The following GYPC variants were observed in gnomAD, a reference collection of about 807,000 sequenced individuals.
The protein encoded by GYPC is glycophorin-C.
In GYPC, 14 loss-of-function variants were observed where a neutral mutation model predicts 12.6. The observed-to-expected ratio is 1.11, with a 90% CI of 0.74 to 1.74. The LOEUF is 1.74. Ranked by LOEUF, GYPC falls within the 40% of genes most tolerant of loss-of-function variation. GYPC has a pLI of 0.00. For missense variants in GYPC, 225 were observed against 172.1 expected (o/e 1.31, Z -1.72); for synonymous variants, 78 against 62.1 (o/e 1.26, Z -1.20).
At chr2:126,671,546 G>A in intron 1 of GYPC, among the ~76,000 whole-genome samples, 1 of 152,204 alleles carries the variant, frequency 6.6e-6, no homozygotes, top group Non-Finnish European at 1.5e-5. Context: ...TGGAGCCTCG[G>A]GGGTCAATGT....
In GYPC at chr2:126,673,504, C is replaced by A. The variant is rs147828854; in HGVS notation, c.50-16751C>A. The stretch of plus-strand genomic sequence containing the variant: ...TATGCCCTTGTTTAAAAGACAAGGT[C>A]TGGGGTCCTAACACAACTTGGTATC... On this transcript the variant is annotated intron_variant, in intron 1 of 3. Transcript: ENST00000259254. Among the ~76,000 whole-genome samples, 169 of 152,276 alleles carry A rather than the reference C, an allele frequency of 1.1e-3. 1 individual carries two copies. The highest frequency in any genetic ancestry group is 3.8e-3 in the African/African-American group (159 of 41,566).
rs147026758 is a variant in GYPC, at chr2:126,685,367, G to C, written c.50-4888G>C. Among the ~76,000 whole-genome samples the C allele has an allele frequency of 3.0e-3, 449 of 151,126 alleles. 3 individuals are homozygous for C. Among genetic ancestry groups the C allele is most frequent in the African/African-American group, 9.8e-3 (405 of 41,130 alleles). On this transcript the variant is annotated intron_variant, in intron 1 of 3. Transcript: ENST00000259254. Reference sequence around the variant, plus strand: ...AAAGCCTTTCTGCTTCAGAGTGCTTGTTAAATTGACTTTTCTTTCTTTCTT... The same window carrying C: ...AAAGCCTTTCTGCTTCAGAGTGCTTCTTAAATTGACTTTTCTTTCTTTCTT...
At chr2:126,680,470 A>G (rs1244064814) in intron 1 of GYPC, 1 of 152,234 alleles carries the variant, frequency 6.6e-6, no homozygotes, top group Non-Finnish European at 1.5e-5. Context: ...AACCGTTCAC[A>G]CTGGAGACCC....
rs11888401 is a variant in GYPC at position 126,693,284 on chromosome 2, A to T, written c.107-580A>T. Among the ~76,000 whole-genome samples the T allele has an allele frequency of 1.8e-3, 270 of 152,218 alleles. 1 individual carries two copies. The highest frequency in any genetic ancestry group is 6.4e-3 in the African/African-American group (265 of 41,534). ...TCTAAACTCTCTTGCTTTCTATATC[A>T]CCTTGTGGTCTCTTTGCGAATGTCA... On this transcript the variant is annotated intron_variant, in intron 2 of 3. Coordinates refer to ENST00000259254, the MANE Select transcript of GYPC (RefSeq NM_002101.5).
chr2:126,691,921 G>A (rs1020369059), intron 2 of GYPC, among the ~76,000 whole-genome samples: 1 of 152,124 alleles, frequency 6.6e-6, no homozygotes, highest in Admixed American at 6.6e-5. Context: ...CTTAAGCAAG[G>A]TGTTATTCTT....
chr2:126,671,609 C>G (rs1369306820), intron 1 of GYPC, among the ~76,000 whole-genome samples: 1 of 152,232 alleles, frequency 6.6e-6, no homozygotes, highest in Non-Finnish European at 1.5e-5. Context: ...CAACCGTGGT[C>G]TCCTGGAGTC....
intron 1 of GYPC, among the ~76,000 whole-genome samples, chr2:126,675,277 G>A (rs181933220): frequency 7.2e-5 from 11 of 152,322 alleles, no homozygotes; most frequent in Non-Finnish European, 1.2e-4. Flanking sequence ...GTATGTAAAT[G>A]TAGAATCTGA....
At chr2:126,687,611 A>C (rs536211015) in intron 1 of GYPC, among the ~76,000 whole-genome samples, 61 of 152,324 alleles carry the variant, frequency 4.0e-4, no homozygotes, top group Admixed American at 3.7e-3. Context: ...AGCTCCACAC[A>C]CTTGGTGGGG....
At chr2:126,695,888 A>T (rs967149275) in intron 3 of GYPC, 58 bp from the exon 4 acceptor site, 26 of 1,399,088 alleles carry the variant, frequency 1.9e-5, no homozygotes, top group Non-Finnish European at 2.6e-5. Context: ...CTTGACCACC[A>T]TCCCAGGCCC....
intron 1 of GYPC, among the ~76,000 whole-genome samples, chr2:126,682,932 T>C (rs1683188792): frequency 6.6e-6 from 1 of 152,134 alleles, no homozygotes; most frequent in South Asian, 2.1e-4. Flanking sequence ...AAATTTGATT[T>C]CCCTAGAAAT....
At chr2:126,672,354 G>T (rs1442018877) in intron 1 of GYPC, among the ~76,000 whole-genome samples, 1 of 152,164 alleles carries the variant, frequency 6.6e-6, no homozygotes, top group Non-Finnish European at 1.5e-5. Context: ...CCCTCCTGCA[G>T]TCCCTGAAAT....
intron 2 of GYPC, among the ~76,000 whole-genome samples, chr2:126,692,312 A>T (rs1490683927): frequency 1.3e-5 from 2 of 152,008 alleles, no homozygotes; most frequent in African/African-American, 4.8e-5. Context: ...AGACACCCCT[A>T]GCTTGGCCCA....
At position 126,683,319 on chromosome 2, in the gene GYPC, C is replaced by CAA. The variant is rs143036975; in HGVS notation, c.50-6927_50-6926dup. Among the ~76,000 whole-genome samples the CAA allele has an allele frequency of 3.1e-3, 456 of 148,336 alleles. 5 individuals carry two copies. The highest frequency in any genetic ancestry group is 0.01 in the African/African-American group (407 of 40,304). ...TGGGCAACAGAGCGAGACTCTGTCT[C>CAA]AAAAAAAAAAGGATATTTGCTGCTT... On this transcript the variant is annotated intron_variant, in intron 1 of 3. Coordinates refer to ENST00000259254, the MANE Select transcript of GYPC (RefSeq NM_002101.5).
At chr2:126,686,106 AG>A in intron 1 of GYPC, 1 of 985,400 alleles carries the variant, frequency 1.0e-6, no homozygotes, top group Non-Finnish European at 1.2e-6. Flanking sequence ...CAGCCCACGC[AG>A]GAAAAAAAGA....
chr2:126,685,285 G>GTTAC (rs1375817610), intron 1 of GYPC, among the ~76,000 whole-genome samples: 1 of 152,122 alleles, frequency 6.6e-6, no homozygotes, highest in Non-Finnish European at 1.5e-5. Context: ...GTCCCCAAAG[G>GTTAC]TTACTGTTCC....
intron 1 of GYPC, chr2:126,675,581 T>C (rs1209618228): frequency 1.7e-5 from 7 of 422,426 alleles, no homozygotes; most frequent in African/African-American, 4.3e-5. Context: ...CAAAGTGCTA[T>C]TCTAAACAAT....
intron 1 of GYPC, among the ~76,000 whole-genome samples, chr2:126,685,545 C>T (rs1683262163): frequency 6.6e-6 from 1 of 152,116 alleles, no homozygotes; most frequent in Admixed American, 6.5e-5. Context: ...CCAGCATGCC[C>T]AACTAATTTT....
intron 1 of GYPC, among the ~76,000 whole-genome samples, chr2:126,688,257 C>T (rs1683346772): frequency 6.6e-6 from 1 of 152,222 alleles, no homozygotes. Context: ...TGGAAAATTT[C>T]TAAGGGCAGT....
chr2:126,664,824 G>C (rs1179293177), intron 1 of GYPC, among the ~76,000 whole-genome samples: 2 of 152,302 alleles, frequency 1.3e-5, no homozygotes, highest in Admixed American at 6.5e-5. Flanking sequence ...TAGCAGTTCT[G>C]TCTGTCACGG....
Sources: allele counts gnomAD v4.1 joint callset (sites outside exome capture counted in the v4.1 genomes callset), GRCh38; gene constraint gnomAD v4.1.1; transcripts MANE v1.5; gene names NCBI Gene and HGNC (gene_info 2026-07-23, HGNC 2026-07-21).